ERCC1: variants seen among roughly 807,000 people sequenced by gnomAD.
ERCC1 encodes DNA excision repair protein ERCC-1.
In ERCC1, 36 loss-of-function variants were observed where a neutral mutation model predicts 37.6. The observed-to-expected ratio is 0.96, with a 90% CI of 0.73 to 1.26. The LOEUF (loss-of-function observed/expected upper bound fraction) is 1.26, where lower values mean the gene tolerates loss of function less well. Ranked by LOEUF, ERCC1 falls within the 50% of genes most tolerant of loss-of-function variation. ERCC1 has a pLI of 0.00. For synonymous variants in ERCC1, 156 were observed against 162.1 expected, an observed-to-expected ratio of 0.96 and a Z score of 0.28; for missense variants, 349 against 376.5, an observed-to-expected ratio of 0.93 and a Z score of 0.60.
chr19:45,420,187 AG>A lies in ERCC1; in HGVS notation c.425+136del. ...GGCCAAGACCCCCTGCCTCCAACAC[AG>A]GGTCCCACCAAGGCCCAGAACCTGC... On this transcript the variant is annotated intron_variant, in intron 4 of 9. Transcript: ENST00000300853. The surrounding 1 kb of genome is among the most constrained non-coding windows in gnomAD (Gnocchi z 4.8). The A allele has an allele frequency of 1.4e-6, 1 of 698,270 alleles. No individual in the cohort carries two copies. Among genetic ancestry groups the A allele is most frequent in the Middle Eastern group, 3.4e-4 (1 of 2,974 alleles). The allele number at this position is 698,270 out of a possible 1,614,324, so 43.3% of individuals were successfully genotyped here.
chr19:45,447,128 C>T (rs1042740202), intron 1 of ERCC1, among the ~76,000 whole-genome samples: 4 of 152,238 alleles, frequency 2.6e-5, no homozygotes, highest in African/African-American at 9.6e-5. Context: ...CTGGCTCCCA[C>T]ATCCAATCAC....
chr19:45,433,688 TAA>T (rs529620736), intron 1 of ERCC1, among the ~76,000 whole-genome samples: 55 of 133,068 alleles, frequency 4.1e-4, no homozygotes, highest in Non-Finnish European at 3.4e-4. Context: ...ACTCTGTCTT[TAA>T]AAAAAAAAAA....
chr19:45,432,535 G>A (rs1439958765), intron 1 of ERCC1, among the ~76,000 whole-genome samples: 5 of 151,924 alleles, frequency 3.3e-5, no homozygotes, highest in Admixed American at 2.6e-4. Flanking sequence ...AAAACTCTTT[G>A]GGGTCCTCAA....
chr19:45,421,987 A>C (rs1974463689), intron 2 of ERCC1, among the ~76,000 whole-genome samples: 1 of 151,946 alleles, frequency 6.6e-6, no homozygotes, highest in South Asian at 2.1e-4. Context: ...CCCTTCCAGA[A>C]GGCTGAGAGC....
In ERCC1 at chr19:45,408,521, C is replaced by T; in HGVS notation, c.*1154G>A. 1 of 1,614,004 alleles carries T rather than the reference C, an allele frequency of 6.2e-7. No individual in the cohort carries two copies. Among genetic ancestry groups the T allele is most frequent in the Non-Finnish European group, 8.5e-7 (1 of 1,179,998 alleles). On this transcript the variant is annotated 3_prime_UTR_variant, in exon 10 of 10. Coordinates refer to ENST00000300853, the MANE Select transcript of ERCC1 (RefSeq NM_001983.4). ...AAAGGAGATGCAGGTGACAGAGGCC[C>T]CAGTCACTCAGGAGGCAGTGAATGG...
intron 6 of ERCC1, among the ~76,000 whole-genome samples, chr19:45,415,337 G>GAAA (rs34174936): frequency 1.0e-4 from 7 of 67,484 alleles, no homozygotes; most frequent in East Asian, 3.9e-4. Flanking sequence ...CTCCATTTCA[G>GAAA]AAAAAAAAAA....
At chr19:45,449,900 G>T (rs1967060900) in intron 1 of ERCC1, among the ~76,000 whole-genome samples, 1 of 152,096 alleles carries the variant, frequency 6.6e-6, no homozygotes, top group South Asian at 2.1e-4. Flanking sequence ...GGAGGCAAAG[G>T]TTGCCGTGAG....
At chr19:45,448,276 T>C (rs985925072) in intron 1 of ERCC1, among the ~76,000 whole-genome samples, 1 of 152,132 alleles carries the variant, frequency 6.6e-6, no homozygotes, top group African/African-American at 2.4e-5. Context: ...TTGTACTAGT[T>C]ACTGCATCTG....
chr19:45,426,139 G>C (rs892214528), upstream of ERCC1, among the ~76,000 whole-genome samples: 2 of 151,940 alleles, frequency 1.3e-5, no homozygotes, highest in Non-Finnish European at 1.5e-5. Context: ...CCAGCACTTT[G>C]GGAGGCCGAG....
chr19:45,416,746 TG>T, intron 6 of ERCC1, 74 bp downstream of exon 6: 1 of 1,051,652 alleles, frequency 9.5e-7, no homozygotes, highest in Non-Finnish European at 1.4e-6. Context: ...AGGGAAGGGC[TG>T]GGCAGGGTGG....
upstream of ERCC1, chr19:45,424,421 A>C (rs1974619216): frequency 6.6e-6 from 1 of 152,184 alleles, no homozygotes; most frequent in African/African-American, 2.4e-5. Flanking sequence ...GAGCCGTGGG[A>C]TGGGGGTCAG....
chr19:45,439,940 T>C (rs549906554), intron 1 of ERCC1, among the ~76,000 whole-genome samples: 1 of 152,242 alleles, frequency 6.6e-6, no homozygotes, highest in African/African-American at 2.4e-5. Flanking sequence ...TAAAAATAGT[T>C]GCCGCGCTCC....
Position 45,419,289 on chromosome 19 carries a change from G to A in ERCC1, c.426-92C>T, listed in dbSNP as rs956266647. ...CTCTCACTGGAATACTAAGGGCTCA[G>A]AGTACGGCATGGGGGACAGAGGGTC... On this transcript the variant is annotated intron_variant, in intron 4 of 9. Coordinates refer to ENST00000300853, the MANE Select transcript of ERCC1 (RefSeq NM_001983.4). 4 of 902,076 alleles carry A rather than the reference G, an allele frequency of 4.4e-6. No homozygotes were observed. In the Admixed American group the frequency reaches 6.0e-5, roughly 14 times the overall value. 55.9% of individuals were successfully genotyped at this position (902,076 alleles called of 1,614,324 possible).
intron 4 of ERCC1, 30 bp from the exon 5 acceptor site, chr19:45,419,227 G>A (rs1462143240): frequency 1.0e-5 from 15 of 1,472,540 alleles, no homozygotes; most frequent in South Asian, 6.0e-5. Context: ...GGAGTTGAGA[G>A]GTCTCAGTCT....
Position 45,416,697 on chromosome 19 carries a change from G to C in ERCC1, c.602+124C>G, listed in dbSNP as rs16979802. On this transcript the variant is annotated intron_variant, in intron 6 of 9. Transcript: ENST00000300853. ...ACAGATGAGGAAACTGAAGGCCAGA[G>C]AGAGGCAGTGCCTGCACCAGGCCCA... 0.08 allele frequency: 58,492 copies of C among 727,248 alleles called. 2,954 individuals carry two copies. The highest frequency in any genetic ancestry group is 0.22 in the East Asian group (8,501 of 38,578). 45.0% of individuals were successfully genotyped at this position (727,248 alleles called of 1,614,324 possible).
At chr19:45,417,190 C>T (rs1974118065) in intron 5 of ERCC1, among the ~76,000 whole-genome samples, 1 of 152,214 alleles carries the variant, frequency 6.6e-6, no homozygotes, top group East Asian at 1.9e-4. Flanking sequence ...ACTCTCTAAG[C>T]TCCTACTGGG....
At chr19:45,443,283 T>C (rs774949440) in intron 1 of ERCC1, among the ~76,000 whole-genome samples, 9 of 152,148 alleles carry the variant, frequency 5.9e-5, no homozygotes, top group African/African-American at 9.7e-5. Flanking sequence ...CACTGCTGTG[T>C]CCCCATCACC....
intron 1 of ERCC1, among the ~76,000 whole-genome samples, chr19:45,438,262 C>T (rs1975033049): frequency 6.6e-6 from 1 of 152,070 alleles, no homozygotes; most frequent in Admixed American, 6.6e-5. Flanking sequence ...GAGATGGCAT[C>T]TCACTACATT....
chr19:45,442,122 G>A (rs1975136283), intron 1 of ERCC1, among the ~76,000 whole-genome samples: 1 of 151,608 alleles, frequency 6.6e-6, no homozygotes, highest in African/African-American at 2.4e-5. Context: ...GACCAGCCTC[G>A]ACATTATAGT....
Sources: gnomAD v4.1 joint callset for allele counts (sites outside exome capture counted in the v4.1 genomes callset) on GRCh38, gnomAD v4.1.1 for gene constraint, Gnocchi (gnomAD v3.1) non-coding constraint, MANE v1.5 for transcripts, NCBI Gene and HGNC (gene_info 2026-07-23, HGNC 2026-07-21) for gene names.